Variants in KDR observed in about 807,000 individuals in gnomAD.
KDR encodes the protein kinase insert domain receptor, also known as vascular endothelial growth factor receptor 2.
In KDR, 43 loss-of-function variants were observed where a neutral mutation model predicts 160.9. The observed-to-expected ratio is 0.27, with a 90% CI of 0.21 to 0.34. The LOEUF is 0.34. Ranked by LOEUF, KDR falls within the 10% of genes least tolerant of loss-of-function variation. The pLI is 1.00. For missense variants in KDR, 1,469 were observed against 1,666.4 expected (o/e 0.88, Z 2.06); for synonymous variants, 617 against 600.1 (o/e 1.03, Z -0.41).
chr4:55,082,013 A>C lies in KDR; in HGVS notation c.3791T>G (p.Leu1264Arg). 1 of 1,613,858 alleles carries C rather than the reference A, an allele frequency of 6.2e-7. No homozygotes were observed. Among genetic ancestry groups the C allele is most frequent in the Non-Finnish European group, 8.5e-7 (1 of 1,179,728 alleles). ...CAAAGTTTTCAGCTCTTCTGAGGCA[A>C]GAACCATACCACTGTCCGTCTGGTT... is the stretch of plus-strand genomic sequence containing the variant. ...DDNQTDSGMV[L>R]ASEELKTLED... The change falls in exon 29 of 30, where the codon CTT (leucine) becomes CGT (arginine). Residue 1264 changes from leucine (L) to arginine (R), a missense_variant. Coordinates refer to ENST00000263923, the MANE Select transcript of KDR (RefSeq NM_002253.4).
chr4:55,085,171 G>A (rs184644983), intron 27 of KDR, among the ~76,000 whole-genome samples: 1 of 152,280 alleles, frequency 6.6e-6, no homozygotes, highest in East Asian at 1.9e-4. Flanking sequence ...AGAAAGATGA[G>A]CCCAGCAAGT....
rs1420013030 is a variant in KDR, at chr4:55,080,117, A to T, written c.3895T>A (p.Ser1299Thr). ...KSRESVASEG[S>T]NQTSGYQSGY... ...GACTGGTAGCCGCTTGTCTGGTTTG[A>T]GCCTTCAGATGCCACAGACTCCCTG... The change falls in exon 30 of 30, where the codon TCA becomes ACA. Residue 1299 changes from serine (S) to threonine (T), a missense_variant. Around this residue, in one of 7 missense-constraint regions of KDR, gnomAD observed 229 missense variants for 197.8 expected, o/e 1.16. Transcript: ENST00000263923. 1.2e-6 allele frequency: 2 copies of T among 1,613,914 alleles called. No homozygotes were observed. The highest frequency in any genetic ancestry group is 1.7e-6 in the Non-Finnish European group (2 of 1,180,036).
Position 55,088,923 on chromosome 4 carries a change from G to A in KDR, c.3455C>T (p.Thr1152Met), listed in dbSNP as rs373562441. The change falls in exon 26 of 30, where the codon ACG becomes ATG. Residue 1152 changes from threonine to methionine, a missense_variant. Transcript: ENST00000263923. ...CWHGEPSQRP[T>M]FSELVEHLGN... Reference sequence around the variant, plus strand: ...CAAATGTTCCACCAACTCTGAAAACGTGGGTCTCTGACTGGGCTCCCCGTG... The same window carrying A: ...CAAATGTTCCACCAACTCTGAAAACATGGGTCTCTGACTGGGCTCCCCGTG... 67 of 1,614,126 alleles carry A rather than the reference G, an allele frequency of 4.2e-5. No homozygotes were observed. The African/African-American group carries it at 6.3e-4, about 15-fold the overall frequency.
intron 3 of KDR, among the ~76,000 whole-genome samples, chr4:55,116,724 C>T (rs1720743578): frequency 6.6e-6 from 1 of 152,172 alleles, no homozygotes; most frequent in Non-Finnish European, 1.5e-5. Context: ...CACAGAAAAG[C>T]AGCCAATCTA....
chr4:55,090,914 G>A (rs568505183), intron 22 of KDR, among the ~76,000 whole-genome samples: 7 of 147,164 alleles, frequency 4.8e-5, no homozygotes, highest in African/African-American at 1.8e-4. Context: ...GAGTGCAGTG[G>A]TGCAATCTCA....
intron 2 of KDR, 151 bp downstream of exon 2, chr4:55,120,946 T>C (rs567801125): frequency 1.6e-6 from 1 of 607,010 alleles, no homozygotes; most frequent in African/African-American, 1.9e-5. Flanking sequence ...TTCTTCTCAT[T>C]TTCCATTATT....
chr4:55,097,103 T>C (rs1053142674), intron 18 of KDR, among the ~76,000 whole-genome samples: 1 of 152,158 alleles, frequency 6.6e-6, no homozygotes, highest in African/African-American at 2.4e-5. Flanking sequence ...AAAATGAAAA[T>C]GGCCAGACCA....
chr4:55,109,472 T>C (rs1384258205), intron 9 of KDR, among the ~76,000 whole-genome samples: 2 of 152,046 alleles, frequency 1.3e-5, no homozygotes, highest in Non-Finnish European at 2.9e-5. Flanking sequence ...AGCACCTTAA[T>C]GTCATGGGAA....
intron 26 of KDR, among the ~76,000 whole-genome samples, chr4:55,088,451 G>T (rs948073916): frequency 2.6e-5 from 4 of 152,178 alleles, no homozygotes; most frequent in African/African-American, 9.7e-5. Context: ...TCCAGTGGAA[G>T]TTATAAGAAC....
chr4:55,111,500 G>A (rs1720581796), intron 7 of KDR, among the ~76,000 whole-genome samples: 1 of 152,060 alleles, frequency 6.6e-6, no homozygotes, highest in Non-Finnish European at 1.5e-5. Context: ...ATATCCAGAA[G>A]CAGATCACCT....
intron 2 of KDR, among the ~76,000 whole-genome samples, chr4:55,119,402 A>T (rs1458040071): frequency 6.6e-6 from 1 of 152,246 alleles, no homozygotes; most frequent in Admixed American, 6.5e-5. Flanking sequence ...GCAGTGAACA[A>T]ATCAGACAAA....
chr4:55,102,893 T>A (rs1285893240), intron 13 of KDR, among the ~76,000 whole-genome samples: 1 of 152,198 alleles, frequency 6.6e-6, no homozygotes, highest in Non-Finnish European at 1.5e-5. Flanking sequence ...AATTTTAGTA[T>A]CATTCAACCA....
chr4:55,092,126 A>G (rs968479001), intron 22 of KDR, among the ~76,000 whole-genome samples: 8 of 152,158 alleles, frequency 5.3e-5, no homozygotes, highest in Admixed American at 2.6e-4. Context: ...GTTCTTAGTA[A>G]AGCCTTCCTC....
intron 24 of KDR, 24 bp downstream of exon 24, chr4:55,089,667 G>A: frequency 6.3e-7 from 1 of 1,591,870 alleles, no homozygotes; most frequent in Non-Finnish European, 8.6e-7. Context: ...AGTCTGGATG[G>A]AAGGACAAAA....
chr4:55,080,913 T>C (rs1719717081), intron 29 of KDR, among the ~76,000 whole-genome samples: 1 of 152,236 alleles, frequency 6.6e-6, no homozygotes, highest in Non-Finnish European at 1.5e-5. Flanking sequence ...TTCTTCATGT[T>C]AAAACTGCAA....
At chr4:55,105,533 A>C (rs141173558) in intron 12 of KDR, among the ~76,000 whole-genome samples, 1 of 152,194 alleles carries the variant, frequency 6.6e-6, no homozygotes, top group Admixed American at 6.5e-5. Flanking sequence ...CTGAAGCTCA[A>C]TAAGCCAGGC....
intron 20 of KDR, 116 bp downstream of exon 20, chr4:55,095,461 A>G (rs1187306578): frequency 1.3e-6 from 1 of 752,908 alleles, no homozygotes; most frequent in Non-Finnish European, 2.4e-6. Flanking sequence ...AAGAGGTAAT[A>G]TGAGAAGATT....
chr4:55,116,201 G>C (rs1720732806), intron 3 of KDR, among the ~76,000 whole-genome samples: 1 of 152,076 alleles, frequency 6.6e-6, no homozygotes, highest in African/African-American at 2.4e-5. Flanking sequence ...TGGATCACTT[G>C]AGGTCAGGAG....
chr4:55,105,453 T>C (rs186338258), intron 12 of KDR, among the ~76,000 whole-genome samples: 1 of 152,312 alleles, frequency 6.6e-6, no homozygotes, highest in African/African-American at 2.4e-5. Context: ...GCACTGCTCC[T>C]ATGTCCTTCT....
Sources: allele counts gnomAD v4.1 joint callset (sites outside exome capture counted in the v4.1 genomes callset), GRCh38; gene constraint gnomAD v4.1.1; regional missense constraint gnomAD v4.1.1; transcripts MANE v1.5; gene names NCBI Gene and HGNC (gene_info 2026-07-23, HGNC 2026-07-21).